Variants in LUZP2 observed in about 807,000 individuals in gnomAD.
LUZP2 encodes leucine zipper protein 2.
Under a neutral mutation model 51.6 loss-of-function variants are expected in LUZP2, and 52 were observed. The observed-to-expected ratio is 1.01, with a 90% CI of 0.81 to 1.27. The LOEUF (loss-of-function observed/expected upper bound fraction) is 1.27, where lower values mean the gene tolerates loss of function less well. Ranked by LOEUF, LUZP2 falls within the 50% of genes most tolerant of loss-of-function variation. LUZP2 has a pLI of 0.00. For synonymous variants in LUZP2, 154 were observed against 137.3 expected (o/e 1.12, Z -0.85); for missense variants, 436 against 395.4 (o/e 1.10, Z -0.87).
chr11:24,602,171 T>TATATGTATATGTGTAC (rs1565020601), intron 1 of LUZP2, among the ~76,000 whole-genome samples: 1 of 74,930 alleles, frequency 1.3e-5, no homozygotes, highest in Non-Finnish European at 2.7e-5. Context: ...TATATGTGTA[T>TATATGTATATGTGTAC]ATATATGTGT....
At chr11:24,699,047 A>G (rs1015243579) in intron 1 of LUZP2, among the ~76,000 whole-genome samples, 21 of 151,286 alleles carry the variant, frequency 1.4e-4, no homozygotes, top group Non-Finnish European at 2.8e-4. Context: ...GCAGAGAAAG[A>G]CACTGTCTGA....
At chr11:24,760,258 C>A (rs866959403) in intron 4 of LUZP2, among the ~76,000 whole-genome samples, 3 of 152,094 alleles carry the variant, frequency 2.0e-5, no homozygotes, top group Non-Finnish European at 4.4e-5. Context: ...GGCTTCAGAG[C>A]AAATAGATTA....
intron 9 of LUZP2, among the ~76,000 whole-genome samples, chr11:25,045,441 A>G (rs183872240): frequency 6.6e-6 from 1 of 151,586 alleles, no homozygotes; most frequent in Non-Finnish European, 1.5e-5. Flanking sequence ...GCTCTGTGTG[A>G]ACTTAATAGT....
intron 1 of LUZP2, among the ~76,000 whole-genome samples, chr11:24,563,742 A>G (rs1246016229): frequency 6.6e-6 from 1 of 152,048 alleles, no homozygotes; most frequent in Non-Finnish European, 1.5e-5. Flanking sequence ...TAGTATGTGA[A>G]CATAGAAACA....
intron 5 of LUZP2, among the ~76,000 whole-genome samples, chr11:24,796,344 A>G (rs1379146868): frequency 6.6e-6 from 1 of 152,070 alleles, no homozygotes; most frequent in Admixed American, 6.6e-5. Flanking sequence ...CACTCTTCCA[A>G]TTATAGTGTG....
intron 5 of LUZP2, among the ~76,000 whole-genome samples, chr11:24,800,336 T>C (rs1849662326): frequency 6.6e-6 from 1 of 152,132 alleles, no homozygotes. Flanking sequence ...TCACATTGTG[T>C]AGGACTGTGG....
intron 1 of LUZP2, among the ~76,000 whole-genome samples, chr11:24,626,087 C>T (rs1377616315): frequency 6.6e-6 from 1 of 152,036 alleles, no homozygotes; most frequent in African/African-American, 2.4e-5. Context: ...AAGTGTCAAC[C>T]TCGGAGGGTT....
chr11:25,066,049 A>C (rs1858989549), intron 10 of LUZP2, among the ~76,000 whole-genome samples: 1 of 151,958 alleles, frequency 6.6e-6, no homozygotes, highest in South Asian at 2.1e-4. Context: ...TTTTTATACT[A>C]ACCATAAAAA....
intron 5 of LUZP2, among the ~76,000 whole-genome samples, chr11:24,811,763 G>C (rs1850030280): frequency 6.6e-6 from 1 of 151,956 alleles, no homozygotes; most frequent in South Asian, 2.1e-4. Flanking sequence ...ATCTTGTCCT[G>C]CCTAGATTAG....
At chr11:25,070,643 T>C (rs1388688725) in intron 10 of LUZP2, among the ~76,000 whole-genome samples, 1 of 151,980 alleles carries the variant, frequency 6.6e-6, no homozygotes, top group Non-Finnish European at 1.5e-5. Context: ...GCATTTGAAA[T>C]TTTTAGAATA....
rs148468156 is a variant in LUZP2 at position 25,065,504 on chromosome 11, A to T, written c.859-11825A>T. 7.3e-3 allele frequency among the ~76,000 whole-genome samples: 1,118 copies of T among 152,124 alleles called. 3 individuals are homozygous for T. The highest frequency in any genetic ancestry group is 0.014 in the Middle Eastern group (4 of 294). On this transcript the variant is annotated intron_variant, in intron 10 of 11. Coordinates refer to ENST00000336930, the MANE Select transcript of LUZP2 (RefSeq NM_001009909.4). ...AAATACGAAAATTGAGATTGAGGAA[A>T]ATTGAGTAATCCAAGGCCACAAAGC...
At position 24,682,131 on chromosome 11, in the gene LUZP2, A is replaced by C. The variant is rs73437104; in HGVS notation, c.63-47038A>C. On this transcript the variant is annotated intron_variant, in intron 1 of 11. Transcript: ENST00000336930. ...AATGACGATTGAAAATAGTTCTAAG[A>C]TATTCCACCTTCATCAACTTTTACT... 3.9e-3 allele frequency among the ~76,000 whole-genome samples: 597 copies of C among 152,308 alleles called. 3 individuals carry two copies. Among genetic ancestry groups the C allele is most frequent in the African/African-American group, 0.013 (559 of 41,572 alleles).
intron 1 of LUZP2, among the ~76,000 whole-genome samples, chr11:24,542,931 A>T (rs1262029134): frequency 6.6e-6 from 1 of 151,798 alleles, no homozygotes; most frequent in Non-Finnish European, 1.5e-5. Flanking sequence ...CACAGAAAAA[A>T]AAAAAACTAG....
chr11:24,865,259 C>T (rs1167703948), intron 5 of LUZP2, among the ~76,000 whole-genome samples: 2 of 152,166 alleles, frequency 1.3e-5, no homozygotes, highest in Non-Finnish European at 1.5e-5. Context: ...TAGCATAATT[C>T]GTAGCATTTG....
At chr11:25,039,883 G>A (rs1053636957) in intron 9 of LUZP2, among the ~76,000 whole-genome samples, 3 of 152,046 alleles carry the variant, frequency 2.0e-5, no homozygotes, top group African/African-American at 7.2e-5. Context: ...TTCAAACTCT[G>A]TAGGTCATCT....
At chr11:25,061,038 A>G (rs565357691) in intron 10 of LUZP2, among the ~76,000 whole-genome samples, 1 of 152,306 alleles carries the variant, frequency 6.6e-6, no homozygotes, top group Non-Finnish European at 1.5e-5. Flanking sequence ...ATTTTCCAAT[A>G]AGATATCAAA....
chr11:24,905,510 G>A (rs900831251), intron 5 of LUZP2, among the ~76,000 whole-genome samples: 11 of 151,816 alleles, frequency 7.2e-5, no homozygotes, highest in African/African-American at 2.2e-4. Context: ...CCAGGACAAC[G>A]GAGTGAAACT....
chr11:24,565,321 A>G (rs1194643255), intron 1 of LUZP2, among the ~76,000 whole-genome samples: 1 of 152,194 alleles, frequency 6.6e-6, no homozygotes, highest in Non-Finnish European at 1.5e-5. Context: ...CTTTATATTT[A>G]GTAAGACCCA....
chr11:24,617,117 G>T (rs1267797025), intron 1 of LUZP2, among the ~76,000 whole-genome samples: 1 of 152,050 alleles, frequency 6.6e-6, no homozygotes, highest in Non-Finnish European at 1.5e-5. Flanking sequence ...ATATGCTCAG[G>T]TGTTCCTGAT....
Sources: gnomAD v4.1 joint callset for allele counts (sites outside exome capture counted in the v4.1 genomes callset) on GRCh38, gnomAD v4.1.1 for gene constraint, MANE v1.5 for transcripts, NCBI Gene and HGNC (gene_info 2026-07-23, HGNC 2026-07-21) for gene names.